Variants in RC3H1 observed in about 807,000 individuals in gnomAD.
The protein encoded by RC3H1 is ring finger and CCCH-type domains 1.
A neutral mutation model predicts 138.2 loss-of-function variants in RC3H1; 50 were observed. That is an observed-to-expected ratio of 0.36 (90% CI 0.29 to 0.46). The LOEUF is 0.46. Ranked by LOEUF, RC3H1 falls within the 20% of genes least tolerant of loss-of-function variation. The pLI, the probability that RC3H1 is intolerant of heterozygous loss-of-function variation, is 1.00. For synonymous variants in RC3H1, 462 were observed against 489.1 expected (o/e 0.94, Z 0.73); for missense variants, 1,031 against 1,388.1 (o/e 0.74, Z 4.09).
chr1:174,009,976 CA>C (rs1661719980), intron 1 of RC3H1, among the ~76,000 whole-genome samples: 1 of 152,010 alleles, frequency 6.6e-6, no homozygotes, highest in Admixed American at 6.6e-5. Flanking sequence ...ATTTTAGGGC[CA>C]AGAACACTGT....
chr1:173,961,732 T>C lies in RC3H1; in HGVS notation c.2195A>G (p.Tyr732Cys). 6.2e-7 allele frequency: 1 copy of C among 1,610,880 alleles called. No individual in the cohort carries two copies. ...AAAAAAAATACAGCATACTCTGAGG[T>C]ACGAAGGTCTGATCTGAGTTGGATG... ...APHPTQIRPS[Y>C]LREPPYSRLP... Residue 732 changes from tyrosine to cysteine, a missense_variant, in exon 12 of 20, where the codon TAC (tyrosine) becomes TGC (cysteine). Physicochemically the swap from Tyr to Cys is radical, Grantham distance 194. Coordinates refer to ENST00000367696, the MANE Select transcript of RC3H1 (RefSeq NM_172071.4).
chr1:173,946,308 T>C (rs1659133113), intron 17 of RC3H1, among the ~76,000 whole-genome samples, 168 bp downstream of exon 17: 1 of 152,100 alleles, frequency 6.6e-6, no homozygotes, highest in South Asian at 2.1e-4. Flanking sequence ...ACGTTTTCTG[T>C]TGTCCCAGAG....
chr1:173,968,074 T>TA (rs1660199539), intron 9 of RC3H1, among the ~76,000 whole-genome samples: 4 of 152,334 alleles, frequency 2.6e-5, no homozygotes, highest in African/African-American at 9.6e-5. Flanking sequence ...TTAGCACATA[T>TA]GCTAAGCTCC....
chr1:173,990,014 C>T (rs1187573457), intron 2 of RC3H1, among the ~76,000 whole-genome samples: 3 of 151,968 alleles, frequency 2.0e-5, no homozygotes, highest in Non-Finnish European at 4.4e-5. Flanking sequence ...GCGTGAGCCA[C>T]CGCGCCCGGC....
chr1:173,990,465 G>C (rs1661227371), intron 2 of RC3H1, among the ~76,000 whole-genome samples: 1 of 151,812 alleles, frequency 6.6e-6, no homozygotes, highest in African/African-American at 2.4e-5. Flanking sequence ...ATTGTCCATT[G>C]CCAGCGTATA....
chr1:174,004,617 C>T (rs757615652), intron 1 of RC3H1, among the ~76,000 whole-genome samples: 20 of 149,804 alleles, frequency 1.3e-4, no homozygotes, highest in African/African-American at 4.7e-4. Flanking sequence ...ACCAGCCTGA[C>T]CAACATGGTG....
At position 173,933,908 on chromosome 1, in the gene RC3H1, T is replaced by C. The variant is rs1488559014; in HGVS notation, c.*4813A>G. 1 of 151,826 alleles carries C rather than the reference T, an allele frequency of 6.6e-6. No homozygotes were observed. Among genetic ancestry groups the C allele is most frequent in the Non-Finnish European group, 1.5e-5 (1 of 67,994 alleles). 9.4% of individuals were successfully genotyped at this position (151,826 alleles called of 1,614,324 possible). ...AGATCACCTTGCAACACTGTAACCA[T>C]ATCATCAGTTAAAAATTTAACACAC... On this transcript the variant is annotated 3_prime_UTR_variant, in exon 20 of 20. Transcript: ENST00000367696.
Position 174,022,118 on chromosome 1 carries a change from C to CCT in RC3H1, c.-175_-174dup. On this transcript the variant is annotated 5_prime_UTR_variant, in exon 1 of 20. Transcript: ENST00000367696. The surrounding 1 kb of genome is among the most constrained non-coding windows in gnomAD (Gnocchi z 4.2). ...CACCGCGCTGGTCCGAGCAGCAGCT[C>CCT]CTCTCAGCTCCGAGTCCCCGCGGCC... 2.5e-6 allele frequency: 1 copy of CCT among 397,448 alleles called. No individual in the cohort carries two copies. The highest frequency in any genetic ancestry group is 4.4e-6 in the Non-Finnish European group (1 of 225,898). 24.6% of individuals were successfully genotyped at this position (397,448 alleles called of 1,614,324 possible).
chr1:173,952,494 A>G (rs934208623), intron 13 of RC3H1, among the ~76,000 whole-genome samples: 1 of 151,422 alleles, frequency 6.6e-6, no homozygotes, highest in African/African-American at 2.4e-5. Flanking sequence ...TCATTAGATC[A>G]GTAAACATTT....
At chr1:173,947,690 T>A in intron 14 of RC3H1, 108 bp from the exon 15 acceptor site, 1 of 767,334 alleles carries the variant, frequency 1.3e-6, no homozygotes, top group Non-Finnish European at 2.2e-6. Context: ...CTCTTACTGG[T>A]AAGACTAAAA....
At chr1:174,002,666 A>G (rs1661583058) in intron 1 of RC3H1, among the ~76,000 whole-genome samples, 1 of 152,230 alleles carries the variant, frequency 6.6e-6, no homozygotes, top group Non-Finnish European at 1.5e-5. Flanking sequence ...TTCAAGAGTC[A>G]TATCTCAATT....
In RC3H1 at chr1:173,988,004, T is replaced by C. The variant is rs1661100555; in HGVS notation, c.232-3385A>G. On this transcript the variant is annotated intron_variant, in intron 2 of 19. Transcript: ENST00000367696. ...AATTCGTACCCCCATGGGAAAAGAC[T>C]AGAGTACACTGCTTATAGATAATAT... is the stretch of plus-strand genomic sequence containing the variant. Among the ~76,000 whole-genome samples, 12 of 152,338 alleles carry C rather than the reference T, an allele frequency of 7.9e-5. No homozygotes were observed. In the South Asian group the frequency reaches 2.5e-3, roughly 32 times the overall value.
At chr1:173,956,133 A>C (rs1382019927) in intron 13 of RC3H1, among the ~76,000 whole-genome samples, 3 of 150,342 alleles carry the variant, frequency 2.0e-5, no homozygotes, top group Non-Finnish European at 4.4e-5. Flanking sequence ...TCTGTCTCAA[A>C]AAAAAAAAAA....
intron 13 of RC3H1, among the ~76,000 whole-genome samples, chr1:173,958,406 G>A (rs367837647): frequency 3.9e-5 from 6 of 152,064 alleles, no homozygotes; most frequent in African/African-American, 1.4e-4. Flanking sequence ...TTAGCTGGGT[G>A]TGGTGGCACA....
In RC3H1 at chr1:174,014,423, A is replaced by C. The variant is rs139303112; in HGVS notation, c.-151+7673T>G. ...ACATAGCCACATATAGTTAGTGGCCAGTATTGAACAGCATAGGCCCATATA... is the reference window on the plus strand; with the variant it reads ...ACATAGCCACATATAGTTAGTGGCCCGTATTGAACAGCATAGGCCCATATA... On this transcript the variant is annotated intron_variant, in intron 1 of 19. Transcript: ENST00000367696. 3.6e-4 allele frequency among the ~76,000 whole-genome samples: 55 copies of C among 152,332 alleles called. No homozygotes were observed. In the East Asian group the frequency reaches 9.8e-3, roughly 27 times the overall value.
chr1:173,953,847 T>C (rs1342162890), intron 13 of RC3H1, among the ~76,000 whole-genome samples: 2 of 152,024 alleles, frequency 1.3e-5, no homozygotes, highest in African/African-American at 4.8e-5. Flanking sequence ...AAGACCAGCC[T>C]GGCCAAGGTG....
chr1:173,978,618 C>T lies in RC3H1; in HGVS notation c.972G>A (p.Leu324=). 1.2e-6 allele frequency: 2 copies of T among 1,607,712 alleles called. No homozygotes were observed. Among genetic ancestry groups the T allele is most frequent in the South Asian group, 2.2e-5 (2 of 89,356 alleles). The part of the protein sequence containing the change: ...KSHMQSIIDK[L]QTPASFAQSV... ...TCTGTGCAAAAGAGGCTGGAGTCTG[C>T]AACTTAAAAAAGATAAATGTTAACT... is the stretch of plus-strand genomic sequence containing the variant. The change falls in exon 7 of 20, where the codon TTG becomes TTA. Residue 324 remains leucine, a splice_region_variant and synonymous_variant. Coordinates refer to ENST00000367696, the MANE Select transcript of RC3H1 (RefSeq NM_172071.4).
At chr1:174,013,442 T>TTA (rs1462792586) in intron 1 of RC3H1, among the ~76,000 whole-genome samples, 7 of 151,076 alleles carry the variant, frequency 4.6e-5, no homozygotes, top group South Asian at 4.2e-4. Context: ...ATTATTATTA[T>TTA]TATATATATA....
At chr1:174,007,051 T>C (rs949188193) in intron 1 of RC3H1, among the ~76,000 whole-genome samples, 6 of 152,132 alleles carry the variant, frequency 3.9e-5, no homozygotes, top group African/African-American at 1.4e-4. Flanking sequence ...ATATCACTAC[T>C]ATCCCAACTC....
Sources: allele counts gnomAD v4.1 joint callset (sites outside exome capture counted in the v4.1 genomes callset), GRCh38; gene constraint gnomAD v4.1.1; non-coding constraint Gnocchi (gnomAD v3.1); transcripts MANE v1.5; gene names NCBI Gene and HGNC (gene_info 2026-07-23, HGNC 2026-07-21).